Variants in GHR observed in about 807,000 individuals in gnomAD.
GHR encodes the protein GH receptor.
Under a neutral mutation model 67.1 loss-of-function variants are expected in GHR, and 35 were observed. That is an observed-to-expected ratio of 0.52 (90% confidence interval 0.40 to 0.69). GHR has a LOEUF of 0.69. Among genes scored for constraint, GHR ranks in the 30% least tolerant of loss-of-function variants. The pLI is 0.00. For synonymous variants in GHR, 272 were observed against 269.1 expected, an observed-to-expected ratio of 1.01 and a Z score of -0.10; for missense variants, 792 against 764.6, an observed-to-expected ratio of 1.04 and a Z score of -0.42.
At chr5:42,497,276 T>G (rs1746360401) in intron 1 of GHR, among the ~76,000 whole-genome samples, 1 of 152,168 alleles carries the variant, frequency 6.6e-6, no homozygotes, top group Non-Finnish European at 1.5e-5. Context: ...CTTGTCACAG[T>G]TTACATTAAT....
chr5:42,538,029 A>G (rs558131523), intron 1 of GHR, among the ~76,000 whole-genome samples: 1 of 151,926 alleles, frequency 6.6e-6, no homozygotes, highest in South Asian at 2.1e-4. Context: ...CCACCCCTTT[A>G]CTTTAAGTTT....
At chr5:42,533,284 TA>T (rs1748062417) in intron 1 of GHR, among the ~76,000 whole-genome samples, 1 of 152,114 alleles carries the variant, frequency 6.6e-6, no homozygotes, top group Non-Finnish European at 1.5e-5. Context: ...TTCTCTTTAT[TA>T]ATTTATAGAA....
intron 5 of GHR, among the ~76,000 whole-genome samples, chr5:42,697,696 C>T (rs931279071): frequency 6.6e-6 from 1 of 152,154 alleles, no homozygotes; most frequent in Non-Finnish European, 1.5e-5. Context: ...TCTACCCAAC[C>T]ATTGCCAAAG....
intron 2 of GHR, among the ~76,000 whole-genome samples, chr5:42,622,665 A>C (rs1477908578): frequency 6.6e-6 from 1 of 152,114 alleles, no homozygotes; most frequent in Non-Finnish European, 1.5e-5. Flanking sequence ...ATATGGTACT[A>C]TGTTTACTTG....
At chr5:42,499,880 A>C (rs1259249618) in intron 1 of GHR, among the ~76,000 whole-genome samples, 1 of 152,236 alleles carries the variant, frequency 6.6e-6, no homozygotes. Flanking sequence ...GTGTCTTGGA[A>C]GGTCACATAA....
chr5:42,618,567 A>G (rs1186265142), intron 2 of GHR, among the ~76,000 whole-genome samples: 1 of 152,164 alleles, frequency 6.6e-6, no homozygotes, highest in Non-Finnish European at 1.5e-5. Context: ...GCGACAGCAT[A>G]AATGTATGCA....
intron 1 of GHR, among the ~76,000 whole-genome samples, chr5:42,522,336 C>G (rs963469866): frequency 6.6e-6 from 1 of 152,088 alleles, no homozygotes; most frequent in Admixed American, 6.5e-5. Context: ...ATGGCTTTGG[C>G]ATTTTCTGTT....
chr5:42,424,648 G>A lies in GHR; in HGVS notation c.-12+693G>A. The A allele has an allele frequency of 1.3e-6, 2 of 1,500,524 alleles. No individual in the cohort carries two copies. The highest frequency in any genetic ancestry group is 1.8e-6 in the Non-Finnish European group (2 of 1,114,900). The allele number at this position is 1,500,524 out of a possible 1,614,324, so 93.0% of individuals were successfully genotyped here. A position where few individuals can be genotyped will look rare whatever the true frequency, so the allele number is the denominator to read the frequency against. On this transcript the variant is annotated intron_variant, in intron 1 of 9. Transcript: ENST00000230882. This position sits in a 1 kb window ranked among gnomAD's most constrained non-coding sequence, Gnocchi z 4.1. ...ACCTCCCCCAGCTTTTGACACACTAGTGGTTGTAAAATCAACCAGGCTTAA... is the reference window on the plus strand; with the variant it reads ...ACCTCCCCCAGCTTTTGACACACTAATGGTTGTAAAATCAACCAGGCTTAA...
At chr5:42,539,612 C>T (rs1181113036) in intron 1 of GHR, among the ~76,000 whole-genome samples, 5 of 152,344 alleles carry the variant, frequency 3.3e-5, no homozygotes, top group East Asian at 1.9e-4. Context: ...TCTGTGGGTC[C>T]TCTCGGGATT....
chr5:42,439,782 A>G (rs925545108), intron 1 of GHR, among the ~76,000 whole-genome samples: 7 of 152,210 alleles, frequency 4.6e-5, no homozygotes, highest in Non-Finnish European at 8.8e-5. Flanking sequence ...TCATTCATGA[A>G]GTGGATATGA....
intron 3 of GHR, among the ~76,000 whole-genome samples, chr5:42,645,647 T>C (rs961948294): frequency 1.3e-5 from 2 of 152,194 alleles, no homozygotes; most frequent in African/African-American, 2.4e-5. Context: ...ACCCTACCCA[T>C]GTCCATGCCA....
At chr5:42,636,767 A>G (rs1754215247) in intron 3 of GHR, among the ~76,000 whole-genome samples, 1 of 152,218 alleles carries the variant, frequency 6.6e-6, no homozygotes, top group Admixed American at 6.5e-5. Flanking sequence ...AGACATTTAC[A>G]AAAAGATTTA....
At chr5:42,670,199 G>C (rs543581860) in intron 3 of GHR, among the ~76,000 whole-genome samples, 31 of 152,274 alleles carry the variant, frequency 2.0e-4, no homozygotes, top group African/African-American at 6.5e-4. Context: ...ACAGAATAGT[G>C]AGCCCAGAAA....
At chr5:42,505,347 T>A (rs1022901250) in intron 1 of GHR, among the ~76,000 whole-genome samples, 1 of 150,670 alleles carries the variant, frequency 6.6e-6, no homozygotes, top group African/African-American at 2.4e-5. Flanking sequence ...AAGTGTTTAT[T>A]TTTTTTTTGC....
In GHR at chr5:42,592,002, C is replaced by T. The variant is rs546001724; in HGVS notation, c.70+26058C>T. On this transcript the variant is annotated intron_variant, in intron 2 of 9. Transcript: ENST00000230882. Reference sequence around the variant, plus strand: ...GCCAGAGACCAGGCCTGAGAACTTGCCCCAGACCACCAGCGTCCCCACTGA... The same window carrying T: ...GCCAGAGACCAGGCCTGAGAACTTGTCCCAGACCACCAGCGTCCCCACTGA... Among the ~76,000 whole-genome samples the T allele has an allele frequency of 1.1e-3, 164 of 152,170 alleles. 1 individual carries two copies. Among genetic ancestry groups the T allele is most frequent in the Non-Finnish European group, 1.9e-3 (129 of 67,988 alleles).
rs374200826 is a variant in GHR, at chr5:42,478,619, T to C, written c.-12+54664T>C. ...CTTCACATCCCTTGTAAGTTGGATTTCTAGGTATTTTATTCTCTTTGAAGC... is the reference window on the plus strand; with the variant it reads ...CTTCACATCCCTTGTAAGTTGGATTCCTAGGTATTTTATTCTCTTTGAAGC... On this transcript the variant is annotated intron_variant, in intron 1 of 9. Coordinates refer to ENST00000230882, the MANE Select transcript of GHR (RefSeq NM_000163.5). 2.9e-3 allele frequency among the ~76,000 whole-genome samples: 448 copies of C among 152,214 alleles called. 2 individuals carry two copies. Among genetic ancestry groups the C allele is most frequent in the African/African-American group, 0.01 (423 of 41,542 alleles).
chr5:42,467,101 C>T (rs570642453), intron 1 of GHR: 3 of 1,593,140 alleles, frequency 1.9e-6, no homozygotes, highest in East Asian at 2.2e-5. Context: ...GTATGAGCTA[C>T]ATGTGAAGGC....
chr5:42,466,311 C>T (rs1431756919), intron 1 of GHR, among the ~76,000 whole-genome samples: 3 of 152,132 alleles, frequency 2.0e-5, no homozygotes, highest in East Asian at 3.8e-4. Context: ...GGAAAAAGGC[C>T]ATTTCCTGTT....
At position 42,565,927 on chromosome 5, in the gene GHR, C is replaced by T; in HGVS notation, c.53C>T (p.Ala18Val). The change falls in exon 2 of 10, where the codon GCT becomes GTT. Residue 18 changes from alanine to valine, a missense_variant. By Grantham distance (64) the Ala-to-Val change is moderately conservative (BLOSUM62 0). Transcript: ENST00000230882. ...LTLALAGSSDAFSGSEATAAI... is the reference protein window; with the variant it reads ...LTLALAGSSDVFSGSEATAAI... ...TTGGCACTGGCAGGATCAAGTGATG[C>T]TTTTTCTGGAAGTGAGGGTGAGTTC... is the stretch of plus-strand genomic sequence containing the variant. 1 of 1,614,048 alleles carries T rather than the reference C, an allele frequency of 6.2e-7. No homozygotes were observed. Among genetic ancestry groups the T allele is most frequent in the South Asian group, 1.1e-5 (1 of 91,084 alleles).
Sources: gnomAD v4.1 joint callset for allele counts (sites outside exome capture counted in the v4.1 genomes callset) on GRCh38, gnomAD v4.1.1 for gene constraint, Gnocchi (gnomAD v3.1) non-coding constraint, MANE v1.5 for transcripts, NCBI Gene and HGNC (gene_info 2026-07-23, HGNC 2026-07-21) for gene names.